The following UXS1 variants were observed in gnomAD, a reference collection of about 807,000 sequenced individuals.
The protein encoded by UXS1 is UDP-glucuronic acid decarboxylase 1.
A neutral mutation model predicts 62.6 loss-of-function variants in UXS1; 33 were observed. The observed-to-expected ratio is 0.53, with a 90% CI of 0.40 to 0.70. The LOEUF is 0.70. Among genes scored for constraint, UXS1 ranks in the 30% least tolerant of loss-of-function variants. The probability of loss-of-function intolerance (pLI) is 0.00; values close to 1 mark genes in which losing one functional copy is unlikely to be tolerated. For missense variants in UXS1, 434 were observed against 556.3 expected, an observed-to-expected ratio of 0.78 and a Z score of 2.21; for synonymous variants, 213 against 206.8, an observed-to-expected ratio of 1.03 and a Z score of -0.26.
intron 10 of UXS1, among the ~76,000 whole-genome samples, chr2:106,105,826 T>G (rs1678016257): frequency 6.6e-6 from 1 of 151,308 alleles, no homozygotes; most frequent in South Asian, 2.1e-4. Flanking sequence ...CCCTCGGGGG[T>G]TTTGTTTGCT....
At chr2:106,188,010 G>A (rs1478301531) in intron 1 of UXS1, among the ~76,000 whole-genome samples, 1 of 152,188 alleles carries the variant, frequency 6.6e-6, no homozygotes, top group Admixed American at 6.5e-5. Flanking sequence ...CCAAAATGCT[G>A]GGATTACAGG....
chr2:106,167,446 C>T (rs1010955476), intron 1 of UXS1, among the ~76,000 whole-genome samples: 2 of 152,140 alleles, frequency 1.3e-5, no homozygotes, highest in African/African-American at 4.8e-5. Flanking sequence ...AGGCATCTTC[C>T]CATTGCCATC....
intron 1 of UXS1, among the ~76,000 whole-genome samples, chr2:106,192,271 C>T (rs950813992): frequency 6.6e-6 from 1 of 152,224 alleles, no homozygotes; most frequent in African/African-American, 2.4e-5. Context: ...AAAAAACTTT[C>T]CTGCTGGGAG....
At chr2:106,130,625 T>G (rs916945612) in intron 6 of UXS1, among the ~76,000 whole-genome samples, 3 of 152,188 alleles carry the variant, frequency 2.0e-5, no homozygotes, top group Admixed American at 2.0e-4. Flanking sequence ...TAAGAATACT[T>G]GCAGGGGCCC....
chr2:106,120,362 C>T (rs1219020008), intron 9 of UXS1, among the ~76,000 whole-genome samples: 2 of 152,170 alleles, frequency 1.3e-5, no homozygotes, highest in African/African-American at 4.8e-5. Context: ...TTGGACAGGG[C>T]CCCAGGACCC....
chr2:106,177,067 T>C (rs1293121856), intron 1 of UXS1, among the ~76,000 whole-genome samples: 1 of 152,230 alleles, frequency 6.6e-6, no homozygotes, highest in Non-Finnish European at 1.5e-5. Context: ...TTGTAGATGA[T>C]ATCTGCACCT....
chr2:106,113,435 T>C (rs1678789983), intron 9 of UXS1, among the ~76,000 whole-genome samples: 1 of 152,212 alleles, frequency 6.6e-6, no homozygotes, highest in Non-Finnish European at 1.5e-5. Flanking sequence ...TTCACCTCTA[T>C]GTTCATTTTC....
intron 1 of UXS1, among the ~76,000 whole-genome samples, chr2:106,166,699 CT>C (rs10659239): frequency 2.3e-4 from 29 of 126,988 alleles, no homozygotes; most frequent in African/African-American, 3.5e-4. Context: ...GCAGGTGAAG[CT>C]TTTTTTTTTT....
intron 2 of UXS1, among the ~76,000 whole-genome samples, chr2:106,165,605 G>C (rs181071244): frequency 6.6e-4 from 101 of 152,172 alleles, no homozygotes; most frequent in Admixed American, 1.6e-3. Context: ...CACACACGAT[G>C]CATACAGGCC....
At chr2:106,114,124 G>A (rs1183415615) in intron 9 of UXS1, among the ~76,000 whole-genome samples, 6 of 152,130 alleles carry the variant, frequency 3.9e-5, no homozygotes, top group Non-Finnish European at 8.8e-5. Context: ...GGAGTGACAC[G>A]GCCGCCACCT....
intron 1 of UXS1, among the ~76,000 whole-genome samples, chr2:106,172,447 T>C (rs1415896160): frequency 6.6e-6 from 1 of 152,180 alleles, no homozygotes; most frequent in South Asian, 2.1e-4. Context: ...TTTTAAAAAT[T>C]ATTTAAACAT....
At chr2:106,129,281 C>A (rs186960008) in intron 7 of UXS1, among the ~76,000 whole-genome samples, 70 of 152,262 alleles carry the variant, frequency 4.6e-4, no homozygotes, top group African/African-American at 1.7e-3. Context: ...ACCTGGGGAT[C>A]AGAGCCACCA....
intron 9 of UXS1, among the ~76,000 whole-genome samples, chr2:106,114,779 G>T (rs1051372737): frequency 6.6e-6 from 1 of 152,142 alleles, no homozygotes; most frequent in Non-Finnish European, 1.5e-5. Flanking sequence ...CTATACAGGT[G>T]CAACAGCCGT....
intron 5 of UXS1, among the ~76,000 whole-genome samples, chr2:106,145,911 A>G (rs983076644): frequency 1.6e-4 from 25 of 152,242 alleles, no homozygotes. Flanking sequence ...TGCTGTTTGT[A>G]GACTAAAGCC....
At chr2:106,189,471 G>C (rs1279280948) in intron 1 of UXS1, among the ~76,000 whole-genome samples, 8 of 152,314 alleles carry the variant, frequency 5.3e-5, no homozygotes, top group African/African-American at 1.9e-4. Context: ...TAACTAGAGG[G>C]AAGGAAAACT....
rs533434729 is a variant in UXS1, at chr2:106,113,574, C to T, written c.760-809G>A. On this transcript the variant is annotated intron_variant, in intron 9 of 14. Transcript: ENST00000283148. The stretch of plus-strand genomic sequence containing the variant: ...ATAACAAAAGCCTGCTCTAAGTGAT[C>T]GTGTTAATTATTAACTTCACAGACT... 7.9e-5 allele frequency among the ~76,000 whole-genome samples: 12 copies of T among 152,294 alleles called. No homozygotes were observed. In the South Asian group the frequency reaches 2.1e-3, roughly 26 times the overall value.
At chr2:106,160,710 T>C (rs1260008822) in intron 4 of UXS1, 1 of 152,176 alleles carries the variant, frequency 6.6e-6, no homozygotes, top group African/African-American at 2.4e-5. Context: ...TTACAGGAAA[T>C]GTACTTCAAA....
intron 6 of UXS1, among the ~76,000 whole-genome samples, chr2:106,141,327 A>ATC (rs1681078245): frequency 6.6e-6 from 1 of 152,242 alleles, no homozygotes; most frequent in Non-Finnish European, 1.5e-5. Context: ...ATAAATACCT[A>ATC]TTTGTGTTAG....
intron 1 of UXS1, among the ~76,000 whole-genome samples, chr2:106,190,612 G>A (rs1048654425): frequency 1.3e-4 from 19 of 151,890 alleles, no homozygotes; most frequent in South Asian, 4.2e-4. Context: ...GCGTGGTGGC[G>A]CATGCCTGTA....
Sources: gnomAD v4.1 joint callset for allele counts (sites outside exome capture counted in the v4.1 genomes callset) on GRCh38, gnomAD v4.1.1 for gene constraint, MANE v1.5 for transcripts, NCBI Gene and HGNC (gene_info 2026-07-23, HGNC 2026-07-21) for gene names.